GRID2: variants seen among roughly 807,000 people sequenced by gnomAD.
The protein encoded by GRID2 is glutamate ionotropic receptor delta type subunit 2, also known as glutamate receptor ionotropic, delta-2.
GRID2 carries 33 observed loss-of-function variants against 114.8 expected under a neutral mutation model. The observed-to-expected ratio is 0.29, with a 90% CI of 0.22 to 0.38. GRID2 has a LOEUF of 0.38. GRID2 is among the 10% of genes least tolerant of loss of function. The pLI is 1.00. For missense variants in GRID2, 1,184 were observed against 1,257.7 expected (o/e 0.94, Z 0.89); for synonymous variants, 505 against 449.9 (o/e 1.12, Z -1.55).
intron 1 of GRID2, among the ~76,000 whole-genome samples, chr4:92,425,864 C>A (rs1732136278): frequency 6.6e-6 from 1 of 152,066 alleles, no homozygotes; most frequent in Admixed American, 6.6e-5. Flanking sequence ...ATATTTAAAG[C>A]ATTGACCAAT....
intron 2 of GRID2, among the ~76,000 whole-genome samples, chr4:92,670,291 A>T (rs1260396866): frequency 6.6e-6 from 1 of 152,054 alleles, no homozygotes; most frequent in African/African-American, 2.4e-5. Context: ...GTCATTAGGT[A>T]GCATTTAGCA....
intron 13 of GRID2, among the ~76,000 whole-genome samples, chr4:93,606,910 C>A (rs936416995): frequency 3.9e-5 from 6 of 151,928 alleles, no homozygotes; most frequent in African/African-American, 1.4e-4. Context: ...AATATTTGGG[C>A]TTTTATTCAG....
intron 1 of GRID2, among the ~76,000 whole-genome samples, chr4:92,587,231 A>G (rs1728496474): frequency 6.6e-6 from 1 of 151,920 alleles, no homozygotes; most frequent in African/African-American, 2.4e-5. Flanking sequence ...AATCATGCTA[A>G]TAAAAATACC....
At chr4:93,496,811 G>T (rs1727592465) in intron 12 of GRID2, among the ~76,000 whole-genome samples, 2 of 151,782 alleles carry the variant, frequency 1.3e-5, no homozygotes, top group African/African-American at 4.8e-5. Flanking sequence ...CAAGTTTTGG[G>T]CTATTACATA....
intron 2 of GRID2, among the ~76,000 whole-genome samples, chr4:92,826,248 C>T (rs1741689542): frequency 1.3e-5 from 2 of 152,196 alleles, no homozygotes; most frequent in Admixed American, 1.3e-4. Context: ...GGTCTTTGCA[C>T]TTGCTATCCT....
chr4:92,704,798 T>G (rs1366425057), intron 2 of GRID2, among the ~76,000 whole-genome samples: 2 of 105,966 alleles, frequency 1.9e-5, no homozygotes, highest in African/African-American at 7.3e-5. Flanking sequence ...TCTGGGGCCC[T>G]CCCCTTCCCT....
intron 3 of GRID2, among the ~76,000 whole-genome samples, chr4:93,101,013 A>C (rs980937698): frequency 6.6e-6 from 1 of 152,032 alleles, no homozygotes; most frequent in Non-Finnish European, 1.5e-5. Flanking sequence ...GGTATAGATA[A>C]TATACTCCAT....
chr4:92,696,593 TC>T (rs1734435456), intron 2 of GRID2, among the ~76,000 whole-genome samples: 1 of 152,118 alleles, frequency 6.6e-6, no homozygotes, highest in African/African-American at 2.4e-5. Flanking sequence ...CATGCTAAAG[TC>T]ACCCAAATTT....
Position 92,985,902 on chromosome 4 carries a change from C to T in GRID2, c.245-99093C>T, listed in dbSNP as rs181322851. The stretch of plus-strand genomic sequence containing the variant: ...ATTATATATGTGATAGGTTCTACAT[C>T]TGAGGAGGAAAGCATCTATAATACA... On this transcript the variant is annotated intron_variant, in intron 2 of 15. Coordinates refer to ENST00000282020, the MANE Select transcript of GRID2 (RefSeq NM_001510.4). 3.4e-3 allele frequency among the ~76,000 whole-genome samples: 525 copies of T among 152,270 alleles called. 1 individual carries two copies. Among genetic ancestry groups the T allele is most frequent in the Non-Finnish European group, 5.5e-3 (374 of 68,030 alleles).
At chr4:92,785,448 C>A (rs780290015) in intron 2 of GRID2, among the ~76,000 whole-genome samples, 1 of 151,082 alleles carries the variant, frequency 6.6e-6, no homozygotes, top group South Asian at 2.1e-4. Flanking sequence ...TTCCAAGATA[C>A]GTTTTTGAGA....
At chr4:92,658,455 G>T (rs1292211969) in intron 2 of GRID2, among the ~76,000 whole-genome samples, 1 of 151,714 alleles carries the variant, frequency 6.6e-6, no homozygotes, top group African/African-American at 2.4e-5. Context: ...GATTAGCCAC[G>T]CTGGTAAAGG....
At chr4:92,811,934 A>G (rs1044269569) in intron 2 of GRID2, among the ~76,000 whole-genome samples, 2 of 152,130 alleles carry the variant, frequency 1.3e-5, no homozygotes, top group Non-Finnish European at 2.9e-5. Flanking sequence ...ACATTCAGTC[A>G]TCTGAAAGGC....
At chr4:93,387,722 C>T (rs187644231) in intron 8 of GRID2, among the ~76,000 whole-genome samples, 1 of 151,154 alleles carries the variant, frequency 6.6e-6, no homozygotes, top group Non-Finnish European at 1.5e-5. Flanking sequence ...CCCAACTACT[C>T]GGCAGGCTGA....
chr4:93,182,352 T>G (rs1739976734), intron 4 of GRID2, among the ~76,000 whole-genome samples: 1 of 152,172 alleles, frequency 6.6e-6, no homozygotes, highest in African/African-American at 2.4e-5. Flanking sequence ...AAAATGAATT[T>G]AGAACTCTAA....
At chr4:92,896,247 A>G (rs769423846) in intron 2 of GRID2, among the ~76,000 whole-genome samples, 10 of 152,214 alleles carry the variant, frequency 6.6e-5, no homozygotes, top group Non-Finnish European at 8.8e-5. Context: ...TTCAAGGGCT[A>G]TGTAGCCAGG....
At chr4:92,996,054 C>T (rs1755177248) in intron 2 of GRID2, among the ~76,000 whole-genome samples, 1 of 151,844 alleles carries the variant, frequency 6.6e-6, no homozygotes, top group African/African-American at 2.4e-5. Context: ...CTTTGGGAGG[C>T]TGAAGTGGGT....
intron 4 of GRID2, among the ~76,000 whole-genome samples, chr4:93,201,390 A>C (rs112009770): frequency 0.025 from 3,789 of 152,254 alleles, 160 homozygotes; most frequent in African/African-American, 0.087. Flanking sequence ...AGAAGCCAGA[A>C]AGGGAGTAGC....
intron 2 of GRID2, among the ~76,000 whole-genome samples, chr4:93,049,089 C>T (rs1297615632): frequency 1.3e-5 from 2 of 151,878 alleles, no homozygotes; most frequent in African/African-American, 4.8e-5. Flanking sequence ...TCTAATAATA[C>T]TAAATTATTA....
chr4:92,335,197 C>T (rs181682272), intron 1 of GRID2, among the ~76,000 whole-genome samples: 147 of 152,344 alleles, frequency 9.6e-4, no homozygotes, highest in Non-Finnish European at 1.7e-3. Flanking sequence ...CATCAAGCTA[C>T]ACCCTTTGCA....
Sources: gnomAD v4.1 joint callset for allele counts (sites outside exome capture counted in the v4.1 genomes callset) on GRCh38, gnomAD v4.1.1 for gene constraint, MANE v1.5 for transcripts, NCBI Gene and HGNC (gene_info 2026-07-23, HGNC 2026-07-21) for gene names.